The following PITPNC1 variants were observed in gnomAD, a reference collection of about 807,000 sequenced individuals.
PITPNC1 encodes cytoplasmic phosphatidylinositol transfer protein 1.
A neutral mutation model predicts 44.7 loss-of-function variants in PITPNC1; 18 were observed. That is an observed-to-expected ratio of 0.40 (90% CI 0.28 to 0.60). PITPNC1 has a LOEUF of 0.60. PITPNC1 is among the 20% of genes least tolerant of loss of function. The probability of loss-of-function intolerance (pLI) is 0.39; values close to 1 mark genes in which losing one functional copy is unlikely to be tolerated. For missense variants in PITPNC1, 290 were observed against 418.4 expected (o/e 0.69, Z 2.68); for synonymous variants, 141 against 149.6 (o/e 0.94, Z 0.42).
intron 6 of PITPNC1, among the ~76,000 whole-genome samples, chr17:67,634,611 CAG>C (rs1317907637): frequency 1.3e-5 from 2 of 152,080 alleles, no homozygotes; most frequent in South Asian, 2.1e-4. Flanking sequence ...AAATACCACG[CAG>C]AGAGTATTTG....
At chr17:67,580,458 A>C (rs1441486870) in intron 5 of PITPNC1, among the ~76,000 whole-genome samples, 1 of 151,760 alleles carries the variant, frequency 6.6e-6, no homozygotes, top group African/African-American at 2.4e-5. Context: ...CAATCCTCCC[A>C]CCTCAGCCCC....
intron 1 of PITPNC1, among the ~76,000 whole-genome samples, chr17:67,386,121 T>C (rs1311645815): frequency 1.3e-5 from 2 of 152,310 alleles, no homozygotes; most frequent in South Asian, 2.1e-4. Context: ...GCGAGTAATA[T>C]TCATTTCAGT....
intron 2 of PITPNC1, among the ~76,000 whole-genome samples, chr17:67,539,733 G>A (rs2144141243): frequency 6.6e-6 from 1 of 152,248 alleles, no homozygotes; most frequent in East Asian, 1.9e-4. Flanking sequence ...AGCTACTCGG[G>A]AGGCTGAGGC....
intron 1 of PITPNC1, among the ~76,000 whole-genome samples, chr17:67,494,161 C>CCCTT (rs2039898904): frequency 9.6e-6 from 1 of 103,916 alleles, no homozygotes. Flanking sequence ...TATGTGTAAC[C>CCCTT]TCTTTCTTTC....
intron 8 of PITPNC1, among the ~76,000 whole-genome samples, chr17:67,684,110 C>CA (rs2042767759): frequency 8.7e-6 from 1 of 114,456 alleles, no homozygotes; most frequent in African/African-American, 3.4e-5. Flanking sequence ...TCCAAAATAA[C>CA]AAATTTTTTT....
At chr17:67,442,581 G>A (rs568688627) in intron 1 of PITPNC1, among the ~76,000 whole-genome samples, 6 of 151,890 alleles carry the variant, frequency 4.0e-5, no homozygotes, top group East Asian at 1.9e-4. Flanking sequence ...GGTGGCTCAC[G>A]CCTGTAATCC....
chr17:67,530,569 T>C (rs1381492518), intron 1 of PITPNC1, among the ~76,000 whole-genome samples: 3 of 152,192 alleles, frequency 2.0e-5, no homozygotes, highest in Admixed American at 1.3e-4. Context: ...CCAAATAAGG[T>C]CACATTCTGG....
chr17:67,386,284 C>T (rs1045361097), intron 1 of PITPNC1, among the ~76,000 whole-genome samples: 9 of 152,210 alleles, frequency 5.9e-5, no homozygotes, highest in African/African-American at 2.2e-4. Context: ...CTCCGCCTCC[C>T]AGGTTTCAAG....
intron 1 of PITPNC1, among the ~76,000 whole-genome samples, chr17:67,434,356 A>G (rs1157263090): frequency 1.3e-5 from 2 of 152,074 alleles, no homozygotes; most frequent in Non-Finnish European, 2.9e-5. Flanking sequence ...TGGTGTTGCC[A>G]CCCCAGCCTG....
intron 4 of PITPNC1, among the ~76,000 whole-genome samples, chr17:67,573,376 A>C (rs759661861): frequency 4.6e-5 from 7 of 152,060 alleles, no homozygotes; most frequent in Non-Finnish European, 1.0e-4. Flanking sequence ...CCTGTAGGGA[A>C]GGAGTGGAGG....
At chr17:67,563,797 T>C (rs1016407579) in intron 4 of PITPNC1, among the ~76,000 whole-genome samples, 1 of 152,170 alleles carries the variant, frequency 6.6e-6, no homozygotes, top group African/African-American at 2.4e-5. Flanking sequence ...GATTTGCAAC[T>C]CCTCTGTCTA....
chr17:67,516,933 G>C (rs557312673), intron 1 of PITPNC1, among the ~76,000 whole-genome samples: 1 of 152,172 alleles, frequency 6.6e-6, no homozygotes, highest in African/African-American at 2.4e-5. Context: ...TTCATGCACA[G>C]ATCAAGCCTA....
intron 6 of PITPNC1, among the ~76,000 whole-genome samples, chr17:67,668,230 CA>C (rs1213643328): frequency 6.6e-6 from 1 of 152,170 alleles, no homozygotes; most frequent in Non-Finnish European, 1.5e-5. Flanking sequence ...TTGAATCATA[CA>C]ATGTATATGC....
At chr17:67,425,713 G>C (rs1300994452) in intron 1 of PITPNC1, among the ~76,000 whole-genome samples, 1 of 151,182 alleles carries the variant, frequency 6.6e-6, no homozygotes, top group African/African-American at 2.4e-5. Context: ...TTTTTTTAAA[G>C]AGATGGGGTC....
chr17:67,575,137 C>T (rs1290902424), intron 4 of PITPNC1, among the ~76,000 whole-genome samples: 1 of 151,906 alleles, frequency 6.6e-6, no homozygotes, highest in East Asian at 1.9e-4. Context: ...GTACTCTCCC[C>T]ACTCCTTGGT....
chr17:67,692,417 G>A (rs1201238337), intron 8 of PITPNC1, among the ~76,000 whole-genome samples, 155 bp from the exon 9 acceptor site: 1 of 152,100 alleles, frequency 6.6e-6, no homozygotes, highest in African/African-American at 2.4e-5. Context: ...AAAAATTGGG[G>A]GTTTGGTATT....
intron 1 of PITPNC1, among the ~76,000 whole-genome samples, chr17:67,382,338 GGTGTGTGTGTGT>G (rs112100189): frequency 1.4e-4 from 21 of 146,202 alleles, no homozygotes; most frequent in African/African-American, 4.0e-4. Flanking sequence ...GGGGTTTTTT[GGTGTGTGTGTGT>G]GTGTGTGTGT....
At chr17:67,472,332 TAAAAAAAAAAAAAAAAA>T (rs751090662) in intron 1 of PITPNC1, among the ~76,000 whole-genome samples, 12 of 41,416 alleles carry the variant, frequency 2.9e-4, no homozygotes, top group African/African-American at 5.4e-4. Context: ...GCTGTTGAGC[TAAAAAAAAAAAAAAAAA>T]AAAAAAAAAA....
chr17:67,575,244 G>A (rs2041124111), intron 4 of PITPNC1, among the ~76,000 whole-genome samples: 3 of 101,156 alleles, frequency 3.0e-5, no homozygotes, highest in South Asian at 6.6e-4. Context: ...ATCCCCCCAC[G>A]TTCTCATGTC....
Sources: allele counts gnomAD v4.1 joint callset (sites outside exome capture counted in the v4.1 genomes callset), GRCh38; gene constraint gnomAD v4.1.1; transcripts MANE v1.5; gene names NCBI Gene and HGNC (gene_info 2026-07-23, HGNC 2026-07-21).